The following HIVEP2 variants were observed in gnomAD, a reference collection of about 807,000 sequenced individuals.
The protein encoded by HIVEP2 is transcription factor HIVEP2.
In HIVEP2, 14 loss-of-function variants were observed where a neutral mutation model predicts 180.7. The ratio of observed to expected loss-of-function variants is 0.08; its 90% CI spans 0.05 to 0.12. The LOEUF (loss-of-function observed/expected upper bound fraction) is 0.12, where lower values mean the gene tolerates loss of function less well. Ranked by LOEUF, HIVEP2 falls within the 10% of genes least tolerant of loss-of-function variation. The pLI is 1.00. For missense variants in HIVEP2, 2,579 were observed against 3,008.5 expected (o/e 0.86, Z 3.34); for synonymous variants, 1,184 against 1,136.4 (o/e 1.04, Z -0.84).
rs1776830405 is a variant in HIVEP2 at position 142,890,523 on chromosome 6, C to T, written c.-640-53476G>A. ...ACAGTCCACAGAATGGAATCCCCAG[C>T]ACAACACAGAGAGATGGATCAGAGT... is the stretch of plus-strand genomic sequence containing the variant. On this transcript the variant is annotated intron_variant, in intron 1 of 9. Transcript: ENST00000367603. Among the ~76,000 whole-genome samples, 3 of 152,272 alleles carry T rather than the reference C, an allele frequency of 2.0e-5. No homozygotes were observed. The South Asian group carries it at 6.2e-4, about 32-fold the overall frequency.
intron 2 of HIVEP2, among the ~76,000 whole-genome samples, chr6:142,796,430 C>T (rs1776280336): frequency 1.3e-5 from 2 of 152,086 alleles, no homozygotes; most frequent in African/African-American, 4.8e-5. Context: ...TGTATGTTGT[C>T]TGTATTATAT....
In HIVEP2 at chr6:142,813,579, T is replaced by G. The variant is rs1451736587; in HGVS notation, c.-528+23356A>C. On this transcript the variant is annotated intron_variant, in intron 2 of 9. Transcript: ENST00000367603. ...GCTCCATCATCAGTTCAGAGTTTTT[T>G]TTTTTTTTTTTTTGAGACATGATCT... Among the ~76,000 whole-genome samples the G allele has an allele frequency of 6.6e-5, 10 of 151,162 alleles. No homozygotes were observed. The East Asian group carries it at 1.7e-3, about 26-fold the overall frequency.
intron 1 of HIVEP2, among the ~76,000 whole-genome samples, chr6:142,889,046 T>G (rs1776785511): frequency 6.6e-6 from 1 of 152,224 alleles, no homozygotes; most frequent in Admixed American, 6.5e-5. Flanking sequence ...TCGAACTTTC[T>G]ATTTGATTTT....
chr6:142,941,030 C>G (rs1778164711), intron 1 of HIVEP2, among the ~76,000 whole-genome samples: 1 of 152,176 alleles, frequency 6.6e-6, no homozygotes, highest in South Asian at 2.1e-4. Context: ...GTTATAGACA[C>G]TTGTAGAAAA....
intron 1 of HIVEP2, among the ~76,000 whole-genome samples, chr6:142,924,134 T>C (rs567329480): frequency 6.6e-6 from 1 of 152,360 alleles, no homozygotes; most frequent in African/African-American, 2.4e-5. Context: ...AGTATCATGT[T>C]TCTTTCAGTG....
chr6:142,773,399 C>G lies in HIVEP2; in HGVS notation c.1340G>C (p.Arg447Pro). 6.2e-7 allele frequency: 1 copy of G among 1,614,154 alleles called. No individual in the cohort carries two copies. Among genetic ancestry groups the G allele is most frequent in the South Asian group, 1.1e-5 (1 of 91,072 alleles). Residue 447 changes from arginine to proline, a missense_variant, in exon 5 of 10, where the codon CGT (arginine) becomes CCT (proline). Coordinates refer to ENST00000367603, the MANE Select transcript of HIVEP2 (RefSeq NM_006734.4). ...TATGCCCTTCCTACCCATTGCGGCA[C>G]GCTCCTGACTTGTGGTTGTAACACT... is the stretch of plus-strand genomic sequence containing the variant. ...ALSVTTTSQE[R>P]AAMGRKGIME...
At chr6:142,779,068 A>G (rs1775775249) in intron 3 of HIVEP2, among the ~76,000 whole-genome samples, 1 of 152,186 alleles carries the variant, frequency 6.6e-6, no homozygotes, top group African/African-American at 2.4e-5. Flanking sequence ...GTCTCATGCC[A>G]GACTGTTTTC....
chr6:142,895,910 T>C (rs1378656823), intron 1 of HIVEP2, among the ~76,000 whole-genome samples: 2 of 152,168 alleles, frequency 1.3e-5, no homozygotes, highest in African/African-American at 4.8e-5. Flanking sequence ...AACCTGACCA[T>C]TTGCATCCCT....
intron 2 of HIVEP2, among the ~76,000 whole-genome samples, chr6:142,805,638 T>G (rs1340981562): frequency 6.6e-6 from 1 of 152,000 alleles, no homozygotes; most frequent in African/African-American, 2.4e-5. Flanking sequence ...GGGAACAGTT[T>G]CAGGGAAGGT....
intron 1 of HIVEP2, among the ~76,000 whole-genome samples, chr6:142,915,762 C>G (rs1777536641): frequency 6.6e-6 from 1 of 152,162 alleles, no homozygotes; most frequent in African/African-American, 2.4e-5. Context: ...TTTACACCCT[C>G]TCATCCACTA....
At chr6:142,859,729 G>C (rs777881055) in intron 1 of HIVEP2, among the ~76,000 whole-genome samples, 3 of 150,418 alleles carry the variant, frequency 2.0e-5, no homozygotes, top group Non-Finnish European at 4.4e-5. Context: ...AGCTACTTGG[G>C]AGGCTGAGGC....
intron 1 of HIVEP2, among the ~76,000 whole-genome samples, chr6:142,841,951 T>C (rs1775377419): frequency 6.6e-6 from 1 of 152,192 alleles, no homozygotes; most frequent in African/African-American, 2.4e-5. Context: ...CGGAAAATGC[T>C]GATTAAATAG....
At position 142,770,130 on chromosome 6, in the gene HIVEP2, A is replaced by G. The variant is rs750027160; in HGVS notation, c.4609T>C (p.Phe1537Leu). Residue 1537 changes from phenylalanine (F) to leucine (L), a missense_variant, in exon 5 of 10, where the codon TTC becomes CTC. By Grantham distance (22) the Phe-to-Leu change is conservative (BLOSUM62 0). This residue lies in a region of HIVEP2 where 349 missense variants were observed against 367.2 expected (regional missense o/e 0.95). Transcript: ENST00000367603. This position sits in a 1 kb window ranked among gnomAD's most constrained non-coding sequence, Gnocchi z 4.7. ...GAAAGCATCTCCTTGCTGGGCAGGA[A>G]TGGCTCCCTGGAAGACGGGCTAACA... ...PSVSPSSREP[F>L]LPSKEMLSGS... is the part of the protein sequence containing the mutation. The G allele has an allele frequency of 6.2e-7, 1 of 1,614,096 alleles. No individual in the cohort carries two copies. Among genetic ancestry groups the G allele is most frequent in the African/African-American group, 1.3e-5 (1 of 74,948 alleles).
intron 1 of HIVEP2, among the ~76,000 whole-genome samples, chr6:142,883,244 A>C (rs1300426126): frequency 6.6e-6 from 1 of 152,078 alleles, no homozygotes; most frequent in African/African-American, 2.4e-5. Flanking sequence ...ATGTAGTTAC[A>C]AAAATACCAA....
intron 1 of HIVEP2, among the ~76,000 whole-genome samples, chr6:142,840,631 G>A (rs1437730523): frequency 6.6e-6 from 1 of 151,864 alleles, no homozygotes; most frequent in East Asian, 1.9e-4. Context: ...ATTTTTACTA[G>A]CCATATGATA....
Position 142,759,855 on chromosome 6 carries a change from A to T in HIVEP2, c.6433T>A (p.Ser2145Thr). 1 of 1,614,068 alleles carries T rather than the reference A, an allele frequency of 6.2e-7. No individual in the cohort carries two copies. Among genetic ancestry groups the T allele is most frequent in the African/African-American group, 1.3e-5 (1 of 75,028 alleles). Residue 2145 changes from serine (S) to threonine (T), a missense_variant, in exon 9 of 10, where the codon TCT (serine) becomes ACT (threonine). By Grantham distance (58) the Ser-to-Thr change is moderately conservative. Transcript: ENST00000367603. ...RRYMTTIRAPSPRRALYHNPP... is the reference protein window; with the variant it reads ...RRYMTTIRAPTPRRALYHNPP... ...TTATGGTATAAAGCCCTTCTGGGAG[A>T]TGGCGCTCTTATTGTGGTCATGTAT...
chr6:142,835,879 TACA>T (rs1775208643), intron 2 of HIVEP2, among the ~76,000 whole-genome samples: 1 of 152,132 alleles, frequency 6.6e-6, no homozygotes, highest in Admixed American at 6.5e-5. Flanking sequence ...CTACATAAAC[TACA>T]ACGCTATCGC....
chr6:142,870,496 C>T (rs1776263972), intron 1 of HIVEP2, among the ~76,000 whole-genome samples: 1 of 152,192 alleles, frequency 6.6e-6, no homozygotes, highest in Admixed American at 6.5e-5. Context: ...TGAGCATCCT[C>T]CTGCCCCCTT....
chr6:142,863,243 C>T (rs1041638752), intron 1 of HIVEP2, among the ~76,000 whole-genome samples: 16 of 150,586 alleles, frequency 1.1e-4, no homozygotes, highest in Admixed American at 1.1e-3. Flanking sequence ...AATATAAAAC[C>T]TCTTATAACA....
Sources: gnomAD v4.1 joint callset for allele counts (sites outside exome capture counted in the v4.1 genomes callset) on GRCh38, gnomAD v4.1.1 for gene constraint, gnomAD v4.1.1 regional missense constraint, Gnocchi (gnomAD v3.1) non-coding constraint, MANE v1.5 for transcripts, NCBI Gene and HGNC (gene_info 2026-07-23, HGNC 2026-07-21) for gene names.